CPNE5: variants seen among roughly 807,000 people sequenced by gnomAD.
CPNE5 encodes the protein copine-5.
In CPNE5, 42 loss-of-function variants were observed where a neutral mutation model predicts 81.1. The ratio of observed to expected loss-of-function variants is 0.52; its 90% confidence interval spans 0.40 to 0.67. The LOEUF is 0.67. Ranked by LOEUF, CPNE5 falls within the 30% of genes least tolerant of loss-of-function variation. The pLI is 0.00. For synonymous variants in CPNE5, 313 were observed against 321.5 expected (o/e 0.97, Z 0.28); for missense variants, 612 against 815.5 (o/e 0.75, Z 3.04).
At chr6:36,759,689 G>A (rs1765833723) in intron 12 of CPNE5, among the ~76,000 whole-genome samples, 1 of 152,060 alleles carries the variant, frequency 6.6e-6, no homozygotes, top group Admixed American at 6.5e-5. Flanking sequence ...CCTGGAGGAG[G>A]AACACCCACA....
chr6:36,762,139 G>C (rs1766086298), intron 12 of CPNE5, among the ~76,000 whole-genome samples: 1 of 150,978 alleles, frequency 6.6e-6, no homozygotes, highest in Non-Finnish European at 1.5e-5. Flanking sequence ...TGTGGTCCCA[G>C]CTACTCGGGA....
At position 36,742,195 on chromosome 6, in the gene CPNE5, G is replaced by T; in HGVS notation, c.*73C>A. On this transcript the variant is annotated 3_prime_UTR_variant, in exon 21 of 21. Coordinates refer to ENST00000244751, the MANE Select transcript of CPNE5 (RefSeq NM_020939.2). Reference sequence around the variant, plus strand: ...CAAAGGCCGGGCAGGCCAACTTCGGGGAGTCTGGGGCCCTGGCCTCCCATT... The same window carrying T: ...CAAAGGCCGGGCAGGCCAACTTCGGTGAGTCTGGGGCCCTGGCCTCCCATT... 1.6e-6 allele frequency: 2 copies of T among 1,257,172 alleles called. No individual in the cohort carries two copies. The highest frequency in any genetic ancestry group is 2.8e-5 in the South Asian group (2 of 70,896). 77.9% of individuals were successfully genotyped at this position (1,257,172 alleles called of 1,614,324 possible).
intron 10 of CPNE5, 84 bp from the exon 11 acceptor site, chr6:36,765,460 C>CA: frequency 6.5e-7 from 1 of 1,543,548 alleles, no homozygotes; most frequent in Non-Finnish European, 8.9e-7. Flanking sequence ...GTTCCCGGAC[C>CA]AGATAGGGAG....
At chr6:36,742,895 C>A in intron 20 of CPNE5, 1 of 985,400 alleles carries the variant, frequency 1.0e-6, no homozygotes, top group Non-Finnish European at 1.2e-6. Context: ...CTCTTCGTTC[C>A]TTTTCTCTCT....
intron 3 of CPNE5, among the ~76,000 whole-genome samples, chr6:36,801,468 C>A (rs1250128302): frequency 1.3e-5 from 2 of 152,290 alleles, no homozygotes; most frequent in Non-Finnish European, 1.5e-5. Context: ...GCAGAATGGG[C>A]ACGATTCTAG....
At chr6:36,763,059 T>G in intron 11 of CPNE5, 67 bp from the exon 12 acceptor site, 1 of 1,389,340 alleles carries the variant, frequency 7.2e-7, no homozygotes, top group Admixed American at 1.7e-5. Flanking sequence ...GCCCCAGCCT[T>G]GCACACATCC....
intron 3 of CPNE5, among the ~76,000 whole-genome samples, chr6:36,820,642 A>G (rs923311270): frequency 1.3e-5 from 2 of 151,868 alleles, no homozygotes; most frequent in African/African-American, 4.8e-5. Context: ...ACACATGACA[A>G]ACAAGGTAAA....
chr6:36,767,632 C>T (rs545365612), intron 10 of CPNE5, among the ~76,000 whole-genome samples: 67 of 152,150 alleles, frequency 4.4e-4, no homozygotes, highest in Non-Finnish European at 7.6e-4. Flanking sequence ...ACCAGCCCCT[C>T]GGGTGACTAG....
intron 1 of CPNE5, among the ~76,000 whole-genome samples, chr6:36,836,104 C>T (rs915960425): frequency 1.3e-5 from 2 of 152,198 alleles, no homozygotes; most frequent in African/African-American, 4.8e-5. Flanking sequence ...ACCGTTGTGC[C>T]AAATAACCAA....
intron 4 of CPNE5, 29 bp from the exon 5 acceptor site, chr6:36,798,523 G>C (rs1460714326): frequency 1.2e-6 from 2 of 1,611,884 alleles, no homozygotes; most frequent in Admixed American, 1.7e-5. Flanking sequence ...AACGATGAAG[G>C]CAGCTGCGGA....
intron 14 of CPNE5, among the ~76,000 whole-genome samples, chr6:36,750,095 A>G (rs375585284): frequency 1.4e-4 from 21 of 152,204 alleles, no homozygotes; most frequent in African/African-American, 4.3e-4. Flanking sequence ...AAAAATGTCC[A>G]CTGCCTTCAT....
chr6:36,793,883 C>T (rs949850286), intron 7 of CPNE5, among the ~76,000 whole-genome samples: 3 of 152,184 alleles, frequency 2.0e-5, no homozygotes, highest in African/African-American at 4.8e-5. Context: ...GGCAGAGGTT[C>T]CCTGCCCTGC....
intron 3 of CPNE5, among the ~76,000 whole-genome samples, 191 bp from the exon 4 acceptor site, chr6:36,800,261 A>G (rs1182414447): frequency 6.6e-6 from 1 of 152,168 alleles, no homozygotes; most frequent in Non-Finnish European, 1.5e-5. Context: ...AGTGGAAGCC[A>G]TGTACAGTAT....
chr6:36,767,288 G>A (rs72856406), intron 10 of CPNE5, among the ~76,000 whole-genome samples: 11,178 of 152,234 alleles, frequency 0.073, 528 homozygotes, highest in East Asian at 0.17. Flanking sequence ...AGACTCCCAG[G>A]TCCAGCTCTG....
At chr6:36,747,257 C>A (rs1236983500) in intron 15 of CPNE5, among the ~76,000 whole-genome samples, 1 of 152,010 alleles carries the variant, frequency 6.6e-6, no homozygotes, top group Admixed American at 6.6e-5. Flanking sequence ...TGATTTCCCC[C>A]CCCAGAGCCC....
At chr6:36,800,828 G>A (rs1312781948) in intron 3 of CPNE5, among the ~76,000 whole-genome samples, 1 of 152,230 alleles carries the variant, frequency 6.6e-6, no homozygotes, top group East Asian at 1.9e-4. Flanking sequence ...TTATGAAGGG[G>A]CGGCAAGGAA....
At chr6:36,760,217 TAA>T (rs3046065) in intron 12 of CPNE5, among the ~76,000 whole-genome samples, 10 of 138,426 alleles carry the variant, frequency 7.2e-5, no homozygotes, top group African/African-American at 8.1e-5. Context: ...GACTCCATCT[TAA>T]AAAAAAAAAA....
At chr6:36,835,928 C>A (rs1312471687) in intron 1 of CPNE5, among the ~76,000 whole-genome samples, 1 of 152,178 alleles carries the variant, frequency 6.6e-6, no homozygotes, top group East Asian at 1.9e-4. Flanking sequence ...ACATCAGTCG[C>A]TATTCATGGA....
intron 9 of CPNE5, among the ~76,000 whole-genome samples, chr6:36,776,657 AC>A (rs1180927013): frequency 6.6e-6 from 1 of 152,080 alleles, no homozygotes; most frequent in Non-Finnish European, 1.5e-5. Context: ...ACCCTTGTGG[AC>A]CCTCTGCAGC....
Sources: gnomAD v4.1 joint callset for allele counts (sites outside exome capture counted in the v4.1 genomes callset) on GRCh38, gnomAD v4.1.1 for gene constraint, MANE v1.5 for transcripts, NCBI Gene and HGNC (gene_info 2026-07-23, HGNC 2026-07-21) for gene names.